The following TRIM37 variants were observed in gnomAD, a reference collection of about 807,000 sequenced individuals.
The protein encoded by TRIM37 is tripartite motif containing 37, also known as E3 ubiquitin-protein ligase TRIM37.
In TRIM37, 80 loss-of-function variants were observed where a neutral mutation model predicts 129.8. That is an observed-to-expected ratio of 0.62 (90% CI 0.51 to 0.74). The LOEUF (loss-of-function observed/expected upper bound fraction) is 0.74. Among genes scored for constraint, TRIM37 ranks in the 30% least tolerant of loss-of-function variants. The probability of loss-of-function intolerance (pLI) is 0.00; values close to 1 mark genes in which losing one functional copy is unlikely to be tolerated. For missense variants in TRIM37, 1,054 were observed against 1,176.5 expected, an observed-to-expected ratio of 0.90 and a Z score of 1.52; for synonymous variants, 389 against 387.1, an observed-to-expected ratio of 1.00 and a Z score of -0.06.
chr17:59,090,318 G>A (rs191528883), intron 3 of TRIM37, among the ~76,000 whole-genome samples: 92 of 151,984 alleles, frequency 6.1e-4, no homozygotes, highest in Non-Finnish European at 1.0e-3. Context: ...TATTTTACAT[G>A]AAAAAGCAAA....
chr17:58,977,462 A>G, the TRIM37 span, among the ~76,000 whole-genome samples: 1 of 151,828 alleles, frequency 6.6e-6, no homozygotes, highest in African/African-American at 2.4e-5. Context: ...AAAAAGAAAT[A>G]ATGAATGAAT....
In TRIM37 at chr17:59,065,553, T is replaced by C. The variant is rs147453181; in HGVS notation, c.810-1148A>G. On this transcript the variant is annotated intron_variant, in intron 9 of 23. Transcript: ENST00000262294. Reference sequence around the variant, plus strand: ...CTTTGCTGCTAACTACCTTTAATCATGTGGATGGTTTGTACACTTTCATTA... The same window carrying C: ...CTTTGCTGCTAACTACCTTTAATCACGTGGATGGTTTGTACACTTTCATTA... Among the ~76,000 whole-genome samples, 408 of 152,288 alleles carry C rather than the reference T, an allele frequency of 2.7e-3. 3 individuals carry two copies. Among genetic ancestry groups the C allele is most frequent in the African/African-American group, 9.3e-3 (388 of 41,558 alleles).
chr17:58,999,260 G>A lies in TRIM37; in HGVS notation c.*117C>T, dbSNP rs1436350428. The A allele has an allele frequency of 1.1e-5, 18 of 1,600,078 alleles. No homozygotes were observed. The highest frequency in any genetic ancestry group is 2.3e-5 in the East Asian group (1 of 44,142). ...AGTTTCCAAATTACTATTTCAGGTCGAGATAATGAAGAAATAAGACCAAAT... is the reference window on the plus strand; with the variant it reads ...AGTTTCCAAATTACTATTTCAGGTCAAGATAATGAAGAAATAAGACCAAAT... On this transcript the variant is annotated 3_prime_UTR_variant, in exon 24 of 24. Transcript: ENST00000262294.
At chr17:59,009,856 T>C (rs1377287893) in intron 22 of TRIM37, among the ~76,000 whole-genome samples, 1 of 152,102 alleles carries the variant, frequency 6.6e-6, no homozygotes, top group Non-Finnish European at 1.5e-5. Flanking sequence ...CCATGTAGAG[T>C]TATTCTGAGA....
Position 59,084,018 on chromosome 17 carries a change from G to A in TRIM37, c.353C>T (p.Ala118Val). Residue 118 changes from alanine to valine, a missense_variant, in exon 5 of 24, where the codon GCA (alanine) becomes GTA (valine). Coordinates refer to ENST00000262294, the MANE Select transcript of TRIM37 (RefSeq NM_015294.6). ...TCTGCTCACCATTCCTCCCCAAAGTGCACACTGATGGCAGATACACTTCTT... is the reference window on the plus strand; with the variant it reads ...TCTGCTCACCATTCCTCCCCAAAGTACACACTGATGGCAGATACACTTCTT... ...TCKKCICHQCALWGGMHGGHT... is the reference protein window; with the variant it reads ...TCKKCICHQCVLWGGMHGGHT... 1.2e-6 allele frequency: 2 copies of A among 1,613,646 alleles called. No individual in the cohort carries two copies. The highest frequency in any genetic ancestry group is 8.5e-7 in the Non-Finnish European group (1 of 1,179,830).
chr17:59,068,754 T>C (rs1380064745), intron 9 of TRIM37, among the ~76,000 whole-genome samples: 1 of 151,978 alleles, frequency 6.6e-6, no homozygotes, highest in Non-Finnish European at 1.5e-5. Flanking sequence ...ACCACTGGAG[T>C]TCTAGCTGTC....
chr17:58,984,596 C>T (rs1436216123), intron 24 of TRIM37: 1 of 152,494 alleles, frequency 6.6e-6, no homozygotes, highest in Non-Finnish European at 1.5e-5. Flanking sequence ...ATTTTTTTCA[C>T]CTTTGAAAAT....
At chr17:59,076,382 A>C (rs1000282260) in intron 7 of TRIM37, among the ~76,000 whole-genome samples, 17 of 152,312 alleles carry the variant, frequency 1.1e-4, no homozygotes, top group Non-Finnish European at 2.2e-4. Flanking sequence ...CTCTACAAAA[A>C]AGTAAAAAAT....
Position 58,999,286 on chromosome 17 carries a change from C to T in TRIM37, c.*91G>A, listed in dbSNP as rs1009759300. 2 of 1,608,694 alleles carry T rather than the reference C, an allele frequency of 1.2e-6. No homozygotes were observed. Among genetic ancestry groups the T allele is most frequent in the Non-Finnish European group, 1.7e-6 (2 of 1,177,704 alleles). ...AGATAATGAAGAAATAAGACCAAAT[C>T]TGATTATCTGACTGATGACAAATTT... On this transcript the variant is annotated 3_prime_UTR_variant, in exon 24 of 24. Coordinates refer to ENST00000262294, the MANE Select transcript of TRIM37 (RefSeq NM_015294.6).
At position 59,088,391 on chromosome 17, in the gene TRIM37, G is replaced by T. The variant is rs373520509; in HGVS notation, c.181C>A (p.Arg61=). Residue 61 remains arginine (R), a synonymous_variant, in exon 4 of 24, where the codon CGA becomes AGA. Coordinates refer to ENST00000262294, the MANE Select transcript of TRIM37 (RefSeq NM_015294.6). The part of the protein sequence containing the change: ...CPHCRAPLQL[R]ELVNCRWAEE... ...GCCCAACGACAATTTACTAGTTCTC[G>T]TAGCTGGAGTGGAGCACTGGGGAGA... is the stretch of plus-strand genomic sequence containing the variant. 3.1e-5 allele frequency: 50 copies of T among 1,611,568 alleles called. No homozygotes were observed. The highest frequency in any genetic ancestry group is 4.0e-5 in the Non-Finnish European group (47 of 1,177,902).
intron 19 of TRIM37, among the ~76,000 whole-genome samples, chr17:59,020,689 AC>A (rs1843798285): frequency 6.6e-6 from 1 of 152,178 alleles, no homozygotes; most frequent in Non-Finnish European, 1.5e-5. Context: ...TTCTTAAAAG[AC>A]GACACACAAA....
chr17:59,043,337 T>TTTC (rs796246836), intron 16 of TRIM37, among the ~76,000 whole-genome samples: 1 of 152,198 alleles, frequency 6.6e-6, no homozygotes, highest in African/African-American at 2.4e-5. Flanking sequence ...ACTCTGGAAA[T>TTTC]GGTCCCAAGG....
the TRIM37 span, chr17:58,969,744 T>C: frequency 6.2e-7 from 1 of 1,612,592 alleles, no homozygotes; most frequent in Non-Finnish European, 8.5e-7. Context: ...CCCTTTCTCA[T>C]AAGTTCCAGC....
chr17:58,991,659 T>G (rs1261286632), intron 24 of TRIM37, among the ~76,000 whole-genome samples: 2 of 152,130 alleles, frequency 1.3e-5, no homozygotes, highest in East Asian at 1.9e-4. Context: ...GGCAAAATAT[T>G]AGCAAAACAA....
intron 2 of TRIM37, among the ~76,000 whole-genome samples, chr17:59,099,811 T>C (rs1171026033): frequency 6.6e-6 from 1 of 152,212 alleles, no homozygotes; most frequent in African/African-American, 2.4e-5. Context: ...ATTTCCTTTT[T>C]TTTCTTTTTG....
chr17:59,028,532 A>G lies in TRIM37; in HGVS notation c.2140T>C (p.Phe714Leu). 1 of 1,614,212 alleles carries G rather than the reference A, an allele frequency of 6.2e-7. No homozygotes were observed. The change falls in exon 19 of 24, where the codon TTT becomes CTT. Residue 714 changes from phenylalanine to leucine, a missense_variant. Transcript: ENST00000262294. ...GCCAGAGCTGCCTGGTCAGCAGAAA[A>G]AAGGCTTGTCTGCATGTCTCCAGAA... ...AASGDMQTSL[F>L]SADQAALAAC...
chr17:59,017,366 T>A lies in TRIM37; in HGVS notation c.2316A>T (p.Leu772=). 1 of 1,614,166 alleles carries A rather than the reference T, an allele frequency of 6.2e-7. No individual in the cohort carries two copies. The highest frequency in any genetic ancestry group is 8.5e-7 in the Non-Finnish European group (1 of 1,179,990). ...CAGGGTCCACTGCTCTTCGAAGTGA[T>A]AGACTACCTGCTACACTGGATCGAG... is the stretch of plus-strand genomic sequence containing the variant. ...KPARSSVAGS[L]SLRRAVDPGE... is the part of the protein sequence containing the mutation. Residue 772 remains leucine, a synonymous_variant, in exon 20 of 24, where the codon CTA becomes CTT. Coordinates refer to ENST00000262294, the MANE Select transcript of TRIM37 (RefSeq NM_015294.6).
intron 22 of TRIM37, among the ~76,000 whole-genome samples, chr17:59,008,920 A>T (rs572115235): frequency 6.6e-6 from 1 of 152,262 alleles, no homozygotes; most frequent in Admixed American, 6.5e-5. Context: ...TTCAAATTCT[A>T]GCTGGGACAT....
At chr17:59,089,736 C>T (rs1010479656) in intron 3 of TRIM37, among the ~76,000 whole-genome samples, 4 of 152,132 alleles carry the variant, frequency 2.6e-5, no homozygotes, top group African/African-American at 4.8e-5. Flanking sequence ...CCATACTGGA[C>T]AGTGTAGACA....
Sources: gnomAD v4.1 joint callset for allele counts (sites outside exome capture counted in the v4.1 genomes callset) on GRCh38, gnomAD v4.1.1 for gene constraint, MANE v1.5 for transcripts, NCBI Gene and HGNC (gene_info 2026-07-23, HGNC 2026-07-21) for gene names.